The following CDYL2 variants were observed in gnomAD, a reference collection of about 807,000 sequenced individuals.
CDYL2 encodes chromodomain Y like 2, also known as chromodomain Y-like protein 2.
In CDYL2, 23 loss-of-function variants were observed where a neutral mutation model predicts 49.4. The ratio of observed to expected loss-of-function variants is 0.47; its 90% CI spans 0.34 to 0.66. CDYL2 has a LOEUF of 0.66. Ranked by LOEUF, CDYL2 falls within the 30% of genes least tolerant of loss-of-function variation. The pLI, the probability that CDYL2 is intolerant of heterozygous loss-of-function variation, is 0.01. For synonymous variants in CDYL2, 360 were observed against 268.8 expected (o/e 1.34, Z -3.32); for missense variants, 678 against 656.4 (o/e 1.03, Z -0.36).
chr16:80,755,328 G>A (rs796552639), intron 1 of CDYL2, among the ~76,000 whole-genome samples: 6 of 152,260 alleles, frequency 3.9e-5, no homozygotes, highest in African/African-American at 1.4e-4. Context: ...AATTGGAAGG[G>A]CTTCCTTGCT....
At chr16:80,669,376 C>T (rs1188772715) in intron 2 of CDYL2, among the ~76,000 whole-genome samples, 2 of 152,110 alleles carry the variant, frequency 1.3e-5, no homozygotes, top group Non-Finnish European at 2.9e-5. Flanking sequence ...TCTGCCCTCA[C>T]TGTAAGACTC....
At chr16:80,789,195 T>G (rs774028120) in intron 1 of CDYL2, among the ~76,000 whole-genome samples, 17 of 152,104 alleles carry the variant, frequency 1.1e-4, no homozygotes, top group Admixed American at 2.0e-4. Flanking sequence ...TAGTTCAACC[T>G]CTATGGAAAA....
intron 1 of CDYL2, among the ~76,000 whole-genome samples, chr16:80,738,432 A>C (rs551755294): frequency 3.5e-4 from 54 of 152,308 alleles, no homozygotes; most frequent in African/African-American, 1.2e-3. Context: ...TAGGAAACAA[A>C]AAGAAATGAG....
At chr16:80,649,233 G>T (rs1047889412) in intron 2 of CDYL2, among the ~76,000 whole-genome samples, 1 of 152,004 alleles carries the variant, frequency 6.6e-6, no homozygotes, top group East Asian at 1.9e-4. Flanking sequence ...TGTTATATTG[G>T]GAAAACTAAG....
intron 1 of CDYL2, among the ~76,000 whole-genome samples, chr16:80,798,033 T>C (rs528938418): frequency 2.5e-4 from 38 of 152,006 alleles, no homozygotes; most frequent in Non-Finnish European, 5.1e-4. Context: ...TTGTTGTTGT[T>C]TGTTTGTTTT....
intron 1 of CDYL2, among the ~76,000 whole-genome samples, chr16:80,747,021 A>G (rs1198411743): frequency 6.6e-6 from 1 of 152,060 alleles, no homozygotes; most frequent in Non-Finnish European, 1.5e-5. Flanking sequence ...AATCCCCAGT[A>G]CTCCCTGTTG....
At chr16:80,725,718 G>A (rs1372528930) in intron 1 of CDYL2, among the ~76,000 whole-genome samples, 1 of 152,202 alleles carries the variant, frequency 6.6e-6, no homozygotes, top group African/African-American at 2.4e-5. Context: ...AAAAACACTT[G>A]GCATATTTTG....
At chr16:80,716,995 T>C (rs1206813117) in intron 1 of CDYL2, among the ~76,000 whole-genome samples, 1 of 147,948 alleles carries the variant, frequency 6.8e-6, no homozygotes, top group Non-Finnish European at 1.5e-5. Context: ...GATGAATGGA[T>C]GATTCAATTG....
At chr16:80,731,317 C>T (rs1905318415) in intron 1 of CDYL2, among the ~76,000 whole-genome samples, 2 of 151,902 alleles carry the variant, frequency 1.3e-5, no homozygotes, top group South Asian at 4.2e-4. Context: ...GACAGTAACA[C>T]AATCAGAAGG....
chr16:80,600,345 T>C lies in CDYL2; in HGVS notation c.*4043A>G, dbSNP rs1014080852. ...CGCATATCCTAACTTATCACAGAAA[T>C]ATAAAAGTTTATATTTTGAAAATAT... is the stretch of plus-strand genomic sequence containing the variant. On this transcript the variant is annotated 3_prime_UTR_variant, in exon 7 of 7. Transcript: ENST00000570137. The C allele has an allele frequency of 6.6e-6, 1 of 152,162 alleles. No individual in the cohort carries two copies. Among genetic ancestry groups the C allele is most frequent in the Non-Finnish European group, 1.5e-5 (1 of 68,020 alleles). 9.4% of individuals were successfully genotyped at this position (152,162 alleles called of 1,614,324 possible). A position where few individuals can be genotyped will look rare whatever the true frequency, so the allele number is the denominator to read the frequency against.
intron 3 of CDYL2, among the ~76,000 whole-genome samples, chr16:80,631,018 G>A (rs1485680023): frequency 2.6e-5 from 4 of 151,968 alleles, no homozygotes; most frequent in Non-Finnish European, 5.9e-5. Context: ...GAGAATACAG[G>A]ATATTGCAAG....
chr16:80,683,552 G>A (rs577295211), intron 2 of CDYL2, among the ~76,000 whole-genome samples: 1 of 136,336 alleles, frequency 7.3e-6, no homozygotes, highest in Non-Finnish European at 1.6e-5. Flanking sequence ...TAGAGTAAGA[G>A]GCTGCCAATC....
intron 3 of CDYL2, chr16:80,628,128 A>G (rs1256187306): frequency 6.6e-6 from 1 of 152,234 alleles, no homozygotes; most frequent in Non-Finnish European, 1.5e-5. Flanking sequence ...CCCTTCTCCC[A>G]AAACCCTGAA....
At chr16:80,736,501 G>A (rs1905537452) in intron 1 of CDYL2, 1 of 152,208 alleles carries the variant, frequency 6.6e-6, no homozygotes, top group African/African-American at 2.4e-5. Flanking sequence ...GGGGAAGCTG[G>A]GAAGATATCA....
chr16:80,783,142 T>G (rs1048950397), intron 1 of CDYL2, among the ~76,000 whole-genome samples: 1 of 152,164 alleles, frequency 6.6e-6, no homozygotes, highest in African/African-American at 2.4e-5. Flanking sequence ...TTTCAAATCA[T>G]GTATCTGAAA....
At chr16:80,636,489 T>A (rs1907830259) in intron 2 of CDYL2, among the ~76,000 whole-genome samples, 3 of 151,956 alleles carry the variant, frequency 2.0e-5, no homozygotes, top group Admixed American at 2.0e-4. Context: ...GAAATGCAAA[T>A]CAAAATCACA....
intron 1 of CDYL2, among the ~76,000 whole-genome samples, chr16:80,719,741 G>A (rs1221210549): frequency 6.6e-6 from 1 of 152,194 alleles, no homozygotes; most frequent in Non-Finnish European, 1.5e-5. Flanking sequence ...CAAGGAGGCT[G>A]TCGCCACCAA....
chr16:80,692,885 C>G lies in CDYL2; in HGVS notation c.25-7756G>C, dbSNP rs1293846266. Among the ~76,000 whole-genome samples the G allele has an allele frequency of 2.6e-5, 4 of 152,150 alleles. No individual in the cohort carries two copies. The East Asian group carries it at 7.7e-4, about 29-fold the overall frequency. On this transcript the variant is annotated intron_variant, in intron 1 of 6. Coordinates refer to ENST00000570137, the MANE Select transcript of CDYL2 (RefSeq NM_152342.4). ...CCCATAAAATGACACGATCAATGAT[C>G]AGAGCATTTTTTCTCATAACAGACA...
chr16:80,804,115 G>C (rs1459190180), intron 1 of CDYL2, 35 bp downstream of exon 1: 6 of 1,073,930 alleles, frequency 5.6e-6, no homozygotes, highest in Non-Finnish European at 6.9e-6. Flanking sequence ...GCCGCCCGCT[G>C]ACTGGGGCCG....
Sources: gnomAD v4.1 joint callset for allele counts (sites outside exome capture counted in the v4.1 genomes callset) on GRCh38, gnomAD v4.1.1 for gene constraint, MANE v1.5 for transcripts, NCBI Gene and HGNC (gene_info 2026-07-23, HGNC 2026-07-21) for gene names.